The following DLC1 variants were observed in gnomAD, a reference collection of about 807,000 sequenced individuals.
The protein encoded by DLC1 is rho GTPase-activating protein 7.
Under a neutral mutation model 140.3 loss-of-function variants are expected in DLC1, and 54 were observed. The ratio of observed to expected loss-of-function variants is 0.38; its 90% CI spans 0.31 to 0.48. The LOEUF is 0.48. DLC1 is among the 20% of genes least tolerant of loss of function. DLC1 has a pLI of 0.96. For missense variants in DLC1, 2,536 were observed against 1,907.0 expected (o/e 1.33, Z -6.14); for synonymous variants, 986 against 728.1 (o/e 1.35, Z -5.70).
In DLC1 at chr8:13,499,797, T is replaced by A; in HGVS notation, c.275A>T (p.Glu92Val). The A allele has an allele frequency of 6.2e-7, 1 of 1,614,096 alleles. No individual in the cohort carries two copies. Among genetic ancestry groups the A allele is most frequent in the Non-Finnish European group, 8.5e-7 (1 of 1,180,020 alleles). The change falls in exon 2 of 18, where the codon GAA (glutamate) becomes GTA (valine). Residue 92 changes from glutamate (E) to valine (V), a missense_variant. Physicochemically the swap from Glu to Val is moderately radical, Grantham distance 121 (BLOSUM62 -2). Transcript: ENST00000276297. ...CAGAGAAAGAAACTGATCTTCACCTTCATGGCTGTCATTTTCGTCCACATC... is the reference window on the plus strand; with the variant it reads ...CAGAGAAAGAAACTGATCTTCACCTACATGGCTGTCATTTTCGTCCACATC... ...SKDVDENDSH[E>V]GEDQFLSLEA... is the part of the protein sequence containing the mutation.
chr8:13,321,074 C>T (rs954299063), intron 4 of DLC1, among the ~76,000 whole-genome samples: 3 of 152,092 alleles, frequency 2.0e-5, no homozygotes, highest in African/African-American at 7.2e-5. Context: ...ATAAATTACT[C>T]GCCCTCAGGT....
intron 1 of DLC1, among the ~76,000 whole-genome samples, chr8:13,547,724 T>C (rs1353069320): frequency 6.6e-6 from 1 of 152,088 alleles, no homozygotes; most frequent in African/African-American, 2.4e-5. Context: ...ATATTTAACC[T>C]CTATCTGCAC....
At chr8:13,528,402 A>C (rs1414747028) in intron 1 of DLC1, among the ~76,000 whole-genome samples, 1 of 152,180 alleles carries the variant, frequency 6.6e-6, no homozygotes, top group Non-Finnish European at 1.5e-5. Context: ...TTGAAGAAAA[A>C]TATGTTGGGC....
At position 13,262,435 on chromosome 8, in the gene DLC1, C is replaced by T. The variant is rs933057987; in HGVS notation, c.1348+42834G>A. 3.3e-5 allele frequency among the ~76,000 whole-genome samples: 5 copies of T among 151,840 alleles called. No homozygotes were observed. The South Asian group carries it at 1.0e-3, about 32-fold the overall frequency. ...TTGACTTGTGTCCTTCTGGACTTGA[C>T]ATTCTAAAGCAATGATACATGGACA... On this transcript the variant is annotated intron_variant, in intron 5 of 17. Transcript: ENST00000276297.
At chr8:13,533,973 CT>C (rs1432095171) in intron 1 of DLC1, among the ~76,000 whole-genome samples, 1 of 152,156 alleles carries the variant, frequency 6.6e-6, no homozygotes, top group Non-Finnish European at 1.5e-5. Flanking sequence ...AATCAAACCT[CT>C]TTTGTTTATA....
chr8:13,114,709 G>A (rs1019332618), intron 6 of DLC1, among the ~76,000 whole-genome samples: 2 of 152,216 alleles, frequency 1.3e-5, no homozygotes, highest in African/African-American at 2.4e-5. Context: ...ATCATTAAGA[G>A]AAGCATAATG....
chr8:13,212,987 A>C (rs1585921736), intron 5 of DLC1, among the ~76,000 whole-genome samples: 4 of 152,234 alleles, frequency 2.6e-5, no homozygotes, highest in Admixed American at 2.6e-4. Flanking sequence ...TAGATTTTTA[A>C]ATGGCTTAAT....
chr8:13,425,566 G>A (rs771433500), intron 2 of DLC1, among the ~76,000 whole-genome samples: 40 of 152,164 alleles, frequency 2.6e-4, no homozygotes, highest in Non-Finnish European at 3.1e-4. Flanking sequence ...TTTGGCAGAA[G>A]GGGAGAGGGA....
chr8:13,136,694 C>A (rs752531925), intron 5 of DLC1, among the ~76,000 whole-genome samples: 47 of 152,126 alleles, frequency 3.1e-4, no homozygotes, highest in Non-Finnish European at 6.3e-4. Flanking sequence ...GCCACCACAT[C>A]TGGCTAATTT....
intron 2 of DLC1, among the ~76,000 whole-genome samples, chr8:13,447,034 T>G (rs1158161731): frequency 6.6e-6 from 1 of 152,122 alleles, no homozygotes; most frequent in Non-Finnish European, 1.5e-5. Context: ...AATCTAGTAC[T>G]CAATTCTTAT....
At chr8:13,456,446 CTTTTT>C (rs909686053) in intron 2 of DLC1, among the ~76,000 whole-genome samples, 1 of 143,356 alleles carries the variant, frequency 7.0e-6, no homozygotes, top group Non-Finnish European at 1.5e-5. Context: ...CTTCTACTTC[CTTTTT>C]TATTTTTTTT....
intron 1 of DLC1, among the ~76,000 whole-genome samples, chr8:13,531,125 G>A (rs566781804): frequency 2.6e-5 from 4 of 152,126 alleles, no homozygotes; most frequent in African/African-American, 9.7e-5. Context: ...CAGGAAGAGG[G>A]TTGTTTCCTG....
chr8:13,336,577 A>T (rs1037111594), intron 4 of DLC1, among the ~76,000 whole-genome samples: 1 of 152,244 alleles, frequency 6.6e-6, no homozygotes, highest in African/African-American at 2.4e-5. Context: ...CATGTGTTTT[A>T]TCATGGCATC....
At chr8:13,117,948 G>T (rs1435899372) in intron 5 of DLC1, among the ~76,000 whole-genome samples, 1 of 150,636 alleles carries the variant, frequency 6.6e-6, no homozygotes, top group Non-Finnish European at 1.5e-5. Flanking sequence ...TTTATTTAAG[G>T]TCCCATGTGA....
At chr8:13,521,556 C>T (rs568772180) in intron 1 of DLC1, among the ~76,000 whole-genome samples, 12 of 152,266 alleles carry the variant, frequency 7.9e-5, no homozygotes, top group South Asian at 4.1e-4. Context: ...CTTCAGTCCC[C>T]TCAAAATATG....
intron 1 of DLC1, among the ~76,000 whole-genome samples, chr8:13,587,221 C>G (rs150723596): frequency 3.3e-5 from 5 of 151,684 alleles, no homozygotes; most frequent in African/African-American, 9.7e-5. Context: ...TTAGATGAAC[C>G]CCTCACATTT....
chr8:13,092,744 G>A lies in DLC1; in HGVS notation c.3608C>T (p.Thr1203Ile), dbSNP rs764564314. 1 of 1,614,162 alleles carries A rather than the reference G, an allele frequency of 6.2e-7. No homozygotes were observed. ...LPDENREVLQTLLYFLSDVTA... is the reference protein window; with the variant it reads ...LPDENREVLQILLYFLSDVTA... ...GACATCGCTCAGGAAATAAAGCAGG[G>A]TCTGCAGAACCTCCCGGTTCTCGTC... is the stretch of plus-strand genomic sequence containing the variant. The change falls in exon 13 of 18, where the codon ACC becomes ATC. Residue 1203 changes from threonine to isoleucine, a missense_variant. Transcript: ENST00000276297.
intron 15 of DLC1, among the ~76,000 whole-genome samples, chr8:13,089,552 G>A (rs1279919245): frequency 6.6e-6 from 1 of 150,432 alleles, no homozygotes; most frequent in African/African-American, 2.5e-5. Flanking sequence ...TTGAAACCGG[G>A]AGGCAGAGGT....
At chr8:13,404,462 C>T (rs565184144) in intron 2 of DLC1, among the ~76,000 whole-genome samples, 3 of 152,092 alleles carry the variant, frequency 2.0e-5, no homozygotes, top group South Asian at 2.1e-4. Flanking sequence ...ATAGAGAATT[C>T]GTCTTAGAAT....
Sources: gnomAD v4.1 joint callset for allele counts (sites outside exome capture counted in the v4.1 genomes callset) on GRCh38, gnomAD v4.1.1 for gene constraint, MANE v1.5 for transcripts, NCBI Gene and HGNC (gene_info 2026-07-23, HGNC 2026-07-21) for gene names.